C13orf42: variants seen among roughly 807,000 people sequenced by gnomAD.
C13orf42 encodes chromosome 13 open reading frame 42.
At chr13:51,164,256 T>C (rs1953888523) in intron 1 of C13orf42, among the ~76,000 whole-genome samples, 1 of 152,224 alleles carries the variant, frequency 6.6e-6, no homozygotes, top group Non-Finnish European at 1.5e-5. Flanking sequence ...TAAGCTCCAC[T>C]AAGGGAGAGA....
At chr13:51,117,465 T>C (rs1008280761) in intron 1 of C13orf42, among the ~76,000 whole-genome samples, 1 of 152,236 alleles carries the variant, frequency 6.6e-6, no homozygotes, top group African/African-American at 2.4e-5. Flanking sequence ...CAGCATTTTA[T>C]TGGAACTTTT....
chr13:51,142,098 A>AC (rs1953700274), intron 1 of C13orf42, among the ~76,000 whole-genome samples: 1 of 152,246 alleles, frequency 6.6e-6, no homozygotes. Context: ...AATAAATAAG[A>AC]CATTGATACA....
At chr13:51,142,178 C>G (rs1158860985) in intron 1 of C13orf42, among the ~76,000 whole-genome samples, 3 of 152,232 alleles carry the variant, frequency 2.0e-5, no homozygotes, top group South Asian at 4.1e-4. Flanking sequence ...GGACTTTAGG[C>G]AGCCTAGTCC....
chr13:51,137,785 T>A (rs779855053), intron 1 of C13orf42, among the ~76,000 whole-genome samples: 1 of 152,206 alleles, frequency 6.6e-6, no homozygotes, highest in Non-Finnish European at 1.5e-5. Context: ...AAAAATCACA[T>A]CATCCCACAG....
chr13:51,133,498 A>T (rs1054528647), intron 1 of C13orf42, among the ~76,000 whole-genome samples: 4 of 152,174 alleles, frequency 2.6e-5, no homozygotes, highest in African/African-American at 7.2e-5. Flanking sequence ...TCACAATTTT[A>T]AAAACTATAA....
chr13:51,101,974 T>C (rs1246008635), intron 1 of C13orf42, among the ~76,000 whole-genome samples: 1 of 152,134 alleles, frequency 6.6e-6, no homozygotes, highest in Non-Finnish European at 1.5e-5. Context: ...GAGGATAGAT[T>C]AGGAATATAA....
intron 1 of C13orf42, among the ~76,000 whole-genome samples, chr13:51,158,657 C>G (rs1953840845): frequency 6.6e-6 from 1 of 152,212 alleles, no homozygotes; most frequent in African/African-American, 2.4e-5. Context: ...CACGCAACAC[C>G]ACAGACAAGG....
At chr13:51,128,825 C>T (rs1011362518) in intron 1 of C13orf42, among the ~76,000 whole-genome samples, 3 of 152,068 alleles carry the variant, frequency 2.0e-5, no homozygotes, top group Admixed American at 6.5e-5. Context: ...TTTGGAAGGC[C>T]GAAAGGTTAC....
Position 51,084,004 on chromosome 13 carries a change from C to A in C13orf42, c.*147G>T, listed in dbSNP as rs1053426632. 1 of 394,010 alleles carries A rather than the reference C, an allele frequency of 2.5e-6. No homozygotes were observed. Among genetic ancestry groups the A allele is most frequent in the African/African-American group, 2.1e-5 (1 of 48,674 alleles). The allele number at this position is 394,010 out of a possible 1,614,324, so 24.4% of individuals were successfully genotyped here. On this transcript the variant is annotated 3_prime_UTR_variant, in exon 4 of 4. Coordinates refer to ENST00000563710, the MANE Select transcript of C13orf42 (RefSeq NM_001351589.3). Reference sequence around the variant, plus strand: ...TGGGAAGCCACAGGTCTGTTTGGCACTGGCACGGCACCAGCAGGCAGTGTG... The same window carrying A: ...TGGGAAGCCACAGGTCTGTTTGGCAATGGCACGGCACCAGCAGGCAGTGTG...
intron 1 of C13orf42, among the ~76,000 whole-genome samples, chr13:51,101,602 A>C (rs1204578170): frequency 6.6e-6 from 1 of 152,220 alleles, no homozygotes; most frequent in Non-Finnish European, 1.5e-5. Flanking sequence ...TTAAATTACA[A>C]TTGGAGTTTC....
At chr13:51,139,697 GA>G (rs1321033373) in intron 1 of C13orf42, among the ~76,000 whole-genome samples, 10 of 152,160 alleles carry the variant, frequency 6.6e-5, no homozygotes, top group African/African-American at 2.4e-4. Flanking sequence ...CCAGCACCAT[GA>G]CAGTTTGTTT....
intron 2 of C13orf42, among the ~76,000 whole-genome samples, 155 bp from the exon 3 acceptor site, chr13:51,085,714 T>C (rs1183595042): frequency 6.6e-6 from 1 of 152,164 alleles, no homozygotes; most frequent in Non-Finnish European, 1.5e-5. Context: ...GACTCTGCAG[T>C]TGTGGTGCAG....
chr13:51,157,082 A>G (rs1953829781), intron 1 of C13orf42, among the ~76,000 whole-genome samples: 1 of 152,244 alleles, frequency 6.6e-6, no homozygotes, highest in Non-Finnish European at 1.5e-5. Context: ...GCAGATGTCC[A>G]GATCCAGGCC....
intron 1 of C13orf42, among the ~76,000 whole-genome samples, chr13:51,158,285 T>C (rs1260626574): frequency 6.6e-6 from 1 of 152,230 alleles, no homozygotes; most frequent in Non-Finnish European, 1.5e-5. Context: ...AACAGAACTC[T>C]GGCTTTGACA....
chr13:51,145,843 T>C (rs1462902510), intron 1 of C13orf42, among the ~76,000 whole-genome samples: 3 of 152,252 alleles, frequency 2.0e-5, no homozygotes, highest in Non-Finnish European at 4.4e-5. Context: ...TTCTAACATA[T>C]ATTGATTGAC....
intron 1 of C13orf42, among the ~76,000 whole-genome samples, chr13:51,106,041 C>T (rs904460624): frequency 6.6e-5 from 10 of 152,136 alleles, no homozygotes; most frequent in African/African-American, 2.4e-4. Flanking sequence ...GCACTGTTTC[C>T]TCAGTTCTTT....
Position 51,084,219 on chromosome 13 carries a change from A to AGTAGTCCTC in C13orf42, c.901_909dup (p.Glu301_Tyr303dup), listed in dbSNP as rs1449535727. 5.0e-6 allele frequency: 2 copies of AGTAGTCCTC among 398,624 alleles called. No individual in the cohort carries two copies. The highest frequency in any genetic ancestry group is 2.1e-5 in the African/African-American group (1 of 48,640). The allele number at this position is 398,624 out of a possible 1,614,324, so 24.7% of individuals were successfully genotyped here. A position where few individuals can be genotyped will look rare whatever the true frequency, so the allele number is the denominator to read the frequency against. ...TGTCCTTTGGGGTTCTCTGTCTCAT[A>AGTAGTCCTC]GTAGTCCTCCCCAGGAGACAACTGG... On this transcript the variant is annotated inframe_insertion, in exon 4 of 4. Coordinates refer to ENST00000563710, the MANE Select transcript of C13orf42 (RefSeq NM_001351589.3).
At chr13:51,115,112 C>T (rs1260612536), upstream of C13orf42, among the ~76,000 whole-genome samples, 1 of 152,124 alleles carries the variant, frequency 6.6e-6, no homozygotes, top group East Asian at 1.9e-4. Flanking sequence ...AATATGATTA[C>T]TACTACTTCT....
chr13:51,088,024 T>G lies in C13orf42; in HGVS notation c.466A>C (p.Ile156Leu). 5.0e-6 allele frequency: 2 copies of G among 398,796 alleles called. No individual in the cohort carries two copies. Among genetic ancestry groups the G allele is most frequent in the Non-Finnish European group, 8.8e-6 (2 of 226,122 alleles). 24.7% of individuals were successfully genotyped at this position (398,796 alleles called of 1,614,324 possible). ...GCAATGATGGAGTCAAAGAAGGCAATGGCCTCGGCCACATCAGCACTGAAC... is the reference window on the plus strand; with the variant it reads ...GCAATGATGGAGTCAAAGAAGGCAAGGGCCTCGGCCACATCAGCACTGAAC... ...SQFSADVAEA[I>L]AFFDSIIAEL... Residue 156 changes from isoleucine to leucine, a missense_variant, in exon 2 of 4, where the codon ATT becomes CTT. Physicochemically the swap from Ile to Leu is conservative, Grantham distance 5 (BLOSUM62 2). Transcript: ENST00000563710.
Sources: gnomAD v4.1 joint callset for allele counts (sites outside exome capture counted in the v4.1 genomes callset) on GRCh38, gnomAD v4.1.1 for gene constraint, MANE v1.5 for transcripts, NCBI Gene and HGNC (gene_info 2026-07-23, HGNC 2026-07-21) for gene names.